The following ZNF461 variants were observed in gnomAD, a reference collection of about 807,000 sequenced individuals.
ZNF461 encodes the protein gonadotropin-inducible ovarian transcription factor-1.
A neutral mutation model predicts 18.3 loss-of-function variants in ZNF461; 16 were observed. The ratio of observed to expected loss-of-function variants is 0.88; its 90% confidence interval spans 0.59 to 1.33. The LOEUF is 1.33. Ranked by LOEUF, ZNF461 falls within the 40% of genes most tolerant of loss-of-function variation. The probability of loss-of-function intolerance (pLI) is 0.00; values close to 1 mark genes in which losing one functional copy is unlikely to be tolerated. For synonymous variants in ZNF461, 179 were observed against 216.9 expected (o/e 0.83, Z 1.54); for missense variants, 595 against 669.9 (o/e 0.89, Z 1.23).
chr19:36,643,022 G>T (rs949447106), intron 5 of ZNF461, among the ~76,000 whole-genome samples: 22 of 152,072 alleles, frequency 1.4e-4, no homozygotes, highest in Admixed American at 1.2e-3. Context: ...ACCCGCCTTG[G>T]CTTCCCAAAG....
chr19:36,656,822 CTT>C (rs74174425), intron 3 of ZNF461, among the ~76,000 whole-genome samples: 15 of 141,500 alleles, frequency 1.1e-4, no homozygotes, highest in Admixed American at 3.5e-4. Context: ...GATATTTATT[CTT>C]TTTTTTTTTT....
At chr19:36,647,217 C>A (rs2037544046) in intron 4 of ZNF461, among the ~76,000 whole-genome samples, 1 of 152,178 alleles carries the variant, frequency 6.6e-6, no homozygotes, top group Admixed American at 6.5e-5. Flanking sequence ...ATATAAATTT[C>A]TTCAGCTGTA....
intron 2 of ZNF461, among the ~76,000 whole-genome samples, chr19:36,663,525 T>C (rs2145418876): frequency 6.7e-6 from 1 of 150,198 alleles, no homozygotes; most frequent in African/African-American, 2.4e-5. Flanking sequence ...AATTTTTTTT[T>C]TTTTTTTTTT....
rs1307827506 is a variant in ZNF461 at position 36,639,784 on chromosome 19, A to G, written c.561T>C (p.Asp187=). Residue 187 remains aspartate (D), a synonymous_variant, in exon 6 of 6, where the codon GAT becomes GAC. Transcript: ENST00000588268. ...QHTLLTQEFY[D]REKISECKKC... ...TTTTACATTCAGAGATTTTCTCTCT[A>G]TCATAAAATTCTTGAGTGAGTAAAG... The G allele has an allele frequency of 2.5e-6, 4 of 1,613,794 alleles. No homozygotes were observed. Among genetic ancestry groups the G allele is most frequent in the African/African-American group, 1.3e-5 (1 of 75,048 alleles).
Position 36,640,028 on chromosome 19 carries a change from T to A in ZNF461, c.317A>T (p.Asp106Val), listed in dbSNP as rs767746055. The stretch of plus-strand genomic sequence containing the variant: ...TTTTGGAGATAACTTCTGGGGCTCA[T>A]CTCTGGATGCCAAGTCTGAAAGATA... The part of the protein sequence containing the change: ...TDINADLASR[D>V]EPQKLSPKRD... Residue 106 changes from aspartate to valine, a missense_variant, in exon 6 of 6, where the codon GAT (aspartate) becomes GTT (valine). Physicochemically the swap from Asp to Val is radical, Grantham distance 152. Coordinates refer to ENST00000588268, the MANE Select transcript of ZNF461 (RefSeq NM_153257.5). 6.2e-7 allele frequency: 1 copy of A among 1,605,486 alleles called. No individual in the cohort carries two copies. Among genetic ancestry groups the A allele is most frequent in the Admixed American group, 1.7e-5 (1 of 58,742 alleles).
At chr19:36,665,525 A>C (rs3108547) in intron 1 of ZNF461, among the ~76,000 whole-genome samples, 45,344 of 151,920 alleles carry the variant, frequency 0.3, 6,841 homozygotes, top group African/African-American at 0.33. Flanking sequence ...CCTGGCCAAC[A>C]TGGTGAAATC....
intron 4 of ZNF461, among the ~76,000 whole-genome samples, chr19:36,645,643 TTTC>T (rs1331262879): frequency 2.0e-5 from 3 of 152,126 alleles, no homozygotes; most frequent in African/African-American, 7.2e-5. Context: ...AGTTAACTGT[TTTC>T]TTTTTTTTGT....
intron 2 of ZNF461, among the ~76,000 whole-genome samples, chr19:36,659,614 C>T (rs955597283): frequency 6.6e-6 from 1 of 152,180 alleles, no homozygotes; most frequent in Non-Finnish European, 1.5e-5. Flanking sequence ...TTCTCTTAAA[C>T]TTGAATCTCT....
chr19:36,660,283 G>A (rs997231878), intron 2 of ZNF461, among the ~76,000 whole-genome samples: 3 of 151,270 alleles, frequency 2.0e-5, no homozygotes, highest in African/African-American at 7.3e-5. Context: ...CCGAGTAGCT[G>A]GGATTACAGG....
chr19:36,655,095 C>T (rs1353549933), intron 4 of ZNF461, among the ~76,000 whole-genome samples: 2 of 152,170 alleles, frequency 1.3e-5, no homozygotes, highest in Non-Finnish European at 2.9e-5. Flanking sequence ...CTCAAGTGAT[C>T]TCCCACCTCA....
rs1219720284 is a variant in ZNF461, at chr19:36,639,779, T to C, written c.566A>G (p.Glu189Gly). Residue 189 changes from glutamate to glycine, a missense_variant, in exon 6 of 6, where the codon GAG (glutamate) becomes GGG (glycine). Glu to Gly is a moderately conservative substitution (Grantham distance 98). Transcript: ENST00000588268. ...TLLTQEFYDR[E>G]KISECKKCRK... ...ACACTTTTTACATTCAGAGATTTTC[T>C]CTCTATCATAAAATTCTTGAGTGAG... 1 of 1,613,598 alleles carries C rather than the reference T, an allele frequency of 6.2e-7. No homozygotes were observed. The highest frequency in any genetic ancestry group is 1.3e-5 in the African/African-American group (1 of 74,896).
intron 3 of ZNF461, chr19:36,657,951 A>G (rs1418958952): frequency 9.8e-6 from 2 of 203,466 alleles, no homozygotes; most frequent in Non-Finnish European, 9.8e-6. Flanking sequence ...TTTTAATCTT[A>G]TGCTAGTACA....
chr19:36,650,580 A>G (rs2037608893), intron 4 of ZNF461, among the ~76,000 whole-genome samples: 1 of 152,122 alleles, frequency 6.6e-6, no homozygotes, highest in Admixed American at 6.5e-5. Flanking sequence ...AACTCACTTT[A>G]TAAGGCCAGT....
At chr19:36,640,189 G>C in intron 5 of ZNF461, 146 bp from the exon 6 acceptor site, 1 of 620,116 alleles carries the variant, frequency 1.6e-6, no homozygotes, top group Admixed American at 3.4e-5. Context: ...AGGAGCACAG[G>C]GAAATGAGAG....
chr19:36,657,122 C>CT lies in ZNF461; in HGVS notation c.137-580dup, dbSNP rs113948901. Among the ~76,000 whole-genome samples, 321 of 145,152 alleles carry CT rather than the reference C, an allele frequency of 2.2e-3. 1 individual carries two copies. Among genetic ancestry groups the CT allele is most frequent in the Non-Finnish European group, 2.4e-3 (155 of 65,736 alleles). ...GGCATGAGCCACAGCACCCAGCCTC[C>CT]TTTTTTTTTTTAATGTTAACTGTAC... On this transcript the variant is annotated intron_variant, in intron 3 of 5. Transcript: ENST00000588268.
At chr19:36,664,413 C>T (rs2145420373) in intron 2 of ZNF461, among the ~76,000 whole-genome samples, 1 of 152,192 alleles carries the variant, frequency 6.6e-6, no homozygotes, top group African/African-American at 2.4e-5. Flanking sequence ...CTTGGCAAAA[C>T]CCCGTATCTA....
chr19:36,658,958 G>C (rs1457736137), intron 2 of ZNF461, among the ~76,000 whole-genome samples: 1 of 152,112 alleles, frequency 6.6e-6, no homozygotes. Flanking sequence ...TGGCGTAAAG[G>C]TCTGTGCCCC....
chr19:36,664,563 TC>T (rs961587570), intron 2 of ZNF461, 134 bp downstream of exon 2: 16 of 641,564 alleles, frequency 2.5e-5, no homozygotes, highest in Non-Finnish European at 3.9e-5. Flanking sequence ...ACTCTAACCT[TC>T]CCACCTGGGA....
At chr19:36,640,139 T>A in intron 5 of ZNF461, 96 bp from the exon 6 acceptor site, 1 of 1,085,902 alleles carries the variant, frequency 9.2e-7, no homozygotes, top group Admixed American at 2.9e-5. Context: ...AAATAATTCA[T>A]ATAAGAAATA....
Sources: allele counts gnomAD v4.1 joint callset (sites outside exome capture counted in the v4.1 genomes callset), GRCh38; gene constraint gnomAD v4.1.1; transcripts MANE v1.5; gene names NCBI Gene and HGNC (gene_info 2026-07-23, HGNC 2026-07-21).